Variants in NAP1L4 observed in about 807,000 individuals in gnomAD.
The protein encoded by NAP1L4 is nucleosome assembly protein 1 like 4.
In NAP1L4, 15 loss-of-function variants were observed where a neutral mutation model predicts 58.2. The observed-to-expected ratio is 0.26, with a 90% CI of 0.17 to 0.40. The LOEUF (loss-of-function observed/expected upper bound fraction) is 0.40, where lower values mean the gene tolerates loss of function less well. Among genes scored for constraint, NAP1L4 ranks in the 10% least tolerant of loss-of-function variants. The probability of loss-of-function intolerance (pLI) is 1.00; values close to 1 mark genes in which losing one functional copy is unlikely to be tolerated. For synonymous variants in NAP1L4, 171 were observed against 155.6 expected (o/e 1.10, Z -0.74); for missense variants, 384 against 451.1 (o/e 0.85, Z 1.35).
chr11:2,968,114 T>C (rs1847395276), intron 7 of NAP1L4, among the ~76,000 whole-genome samples: 1 of 151,868 alleles, frequency 6.6e-6, no homozygotes, highest in African/African-American at 2.4e-5. Context: ...AGAACCAGAA[T>C]CCGCACTGCC....
chr11:2,975,085 T>C (rs1590255382), intron 4 of NAP1L4, among the ~76,000 whole-genome samples: 1 of 149,718 alleles, frequency 6.7e-6, no homozygotes, highest in African/African-American at 2.5e-5. Flanking sequence ...AGCTGGAAGG[T>C]GGGGCCTCCT....
At chr11:2,952,597 C>G (rs1846293201) in intron 12 of NAP1L4, 1 of 152,282 alleles carries the variant, frequency 6.6e-6, no homozygotes, top group Admixed American at 6.5e-5. Context: ...GGAGTTCACA[C>G]AGTGTGCACA....
intron 10 of NAP1L4, among the ~76,000 whole-genome samples, chr11:2,957,878 A>G (rs1002947184): frequency 6.6e-6 from 1 of 152,252 alleles, no homozygotes; most frequent in African/African-American, 2.4e-5. Flanking sequence ...TGCATAAAAA[A>G]TTACAAGAAA....
chr11:2,974,138 T>C (rs1174349083), intron 4 of NAP1L4, among the ~76,000 whole-genome samples: 1 of 152,266 alleles, frequency 6.6e-6, no homozygotes, highest in African/African-American at 2.4e-5. Flanking sequence ...AGGATTTTTT[T>C]TTTTAATTAT....
Position 2,951,466 on chromosome 11 carries a change from G to T in NAP1L4, c.1066-151C>A. ...ACTCATCACTTCCTTTGGACACTTAGAATTATTTCTAGGTATCTTTTTGTT... is the reference window on the plus strand; with the variant it reads ...ACTCATCACTTCCTTTGGACACTTATAATTATTTCTAGGTATCTTTTTGTT... On this transcript the variant is annotated intron_variant, in intron 13 of 15. Coordinates refer to ENST00000380542, the MANE Select transcript of NAP1L4 (RefSeq NM_005969.4). The surrounding 1 kb of genome is among the most constrained non-coding windows in gnomAD (Gnocchi z 4.0). 1.4e-6 allele frequency: 1 copy of T among 727,758 alleles called. No homozygotes were observed. The highest frequency in any genetic ancestry group is 2.4e-6 in the Non-Finnish European group (1 of 419,758). The allele number at this position is 727,758 out of a possible 1,614,324, so 45.1% of individuals were successfully genotyped here.
At chr11:2,969,699 A>G in intron 7 of NAP1L4, 104 bp downstream of exon 7, 1 of 1,338,010 alleles carries the variant, frequency 7.5e-7, no homozygotes, top group Non-Finnish European at 1.0e-6. Flanking sequence ...TCCGCCCACT[A>G]TGAACAATCT....
intron 1 of NAP1L4, 104 bp from the exon 2 acceptor site, chr11:2,979,341 G>A: frequency 1.1e-6 from 1 of 892,946 alleles, no homozygotes; most frequent in Non-Finnish European, 1.7e-6. Flanking sequence ...CCACTAGAAG[G>A]GACAGGAGGG....
chr11:2,957,502 A>T (rs1243360030), intron 10 of NAP1L4, among the ~76,000 whole-genome samples: 1 of 152,238 alleles, frequency 6.6e-6, no homozygotes. Context: ...ACATACAAAC[A>T]AACACTCACT....
intron 4 of NAP1L4, among the ~76,000 whole-genome samples, chr11:2,973,845 T>G (rs922578929): frequency 6.6e-6 from 1 of 152,190 alleles, no homozygotes; most frequent in Non-Finnish European, 1.5e-5. Context: ...CTCGGCTCAC[T>G]GTAGCCTCAA....
chr11:2,961,944 T>C, intron 8 of NAP1L4, among the ~76,000 whole-genome samples: 1 of 152,232 alleles, frequency 6.6e-6, no homozygotes, highest in South Asian at 2.1e-4. Context: ...CAAGAAACTG[T>C]TTAGCTGCCC....
rs558151937 is a variant in NAP1L4 at position 2,982,181 on chromosome 11, T to C, written c.-17-2944A>G. On this transcript the variant is annotated intron_variant, in intron 1 of 15. Coordinates refer to ENST00000380542, the MANE Select transcript of NAP1L4 (RefSeq NM_005969.4). ...CACTCCCAGTTATCCTTAATTGATA[T>C]GGCAATAGCAGGACCGCTACAGTAG... 6.6e-5 allele frequency among the ~76,000 whole-genome samples: 10 copies of C among 152,320 alleles called. No homozygotes were observed. In the South Asian group the frequency reaches 1.5e-3, roughly 22 times the overall value.
intron 1 of NAP1L4, among the ~76,000 whole-genome samples, chr11:2,986,924 C>CT (rs1412424303): frequency 2.0e-5 from 3 of 152,134 alleles, no homozygotes; most frequent in South Asian, 2.1e-4. Flanking sequence ...CCACCGCACT[C>CT]TAAGATAAAT....
At chr11:2,988,305 G>C (rs1848764522) in intron 1 of NAP1L4, among the ~76,000 whole-genome samples, 1 of 152,192 alleles carries the variant, frequency 6.6e-6, no homozygotes, top group African/African-American at 2.4e-5. Context: ...CATATTAAAA[G>C]ATCTTGTCAT....
At chr11:2,952,636 T>A (rs1432463408) in intron 12 of NAP1L4, 1 of 152,214 alleles carries the variant, frequency 6.6e-6, no homozygotes, top group Non-Finnish European at 1.5e-5. Context: ...GCAGCCAGGA[T>A]GAGATGTGGC....
At position 2,971,474 on chromosome 11, in the gene NAP1L4, C is replaced by T; in HGVS notation, c.376G>A (p.Glu126Lys). 1.9e-6 allele frequency: 3 copies of T among 1,613,852 alleles called. No individual in the cohort carries two copies. The highest frequency in any genetic ancestry group is 2.5e-6 in the Non-Finnish European group (3 of 1,179,996). ...GCCAATTTCTCTTCCTCTTCATTTT[C>T]ACTGTGCCATTCCGATTCCGCATCT... is the stretch of plus-strand genomic sequence containing the variant. ...PTDAESEWHS[E>K]NEEEEKLAGD... Residue 126 changes from glutamate (E) to lysine (K), a missense_variant, in exon 6 of 16, where the codon GAA becomes AAA. Physicochemically the swap from Glu to Lys is moderately conservative, Grantham distance 56. Around this residue, in one of 3 missense-constraint regions of NAP1L4, gnomAD observed 296 missense variants for 360.8 expected, o/e 0.82. Coordinates refer to ENST00000380542, the MANE Select transcript of NAP1L4 (RefSeq NM_005969.4). This position sits in a 1 kb window ranked among gnomAD's most constrained non-coding sequence, Gnocchi z 4.2.
chr11:2,983,136 T>C (rs939335642), intron 1 of NAP1L4, among the ~76,000 whole-genome samples: 2 of 152,224 alleles, frequency 1.3e-5, no homozygotes, highest in Non-Finnish European at 2.9e-5. Flanking sequence ...CCATTTTGTC[T>C]ACAAATGGAG....
chr11:2,986,647 A>G (rs1337716935), intron 1 of NAP1L4, among the ~76,000 whole-genome samples: 2 of 121,034 alleles, frequency 1.7e-5, no homozygotes, highest in Non-Finnish European at 3.5e-5. Flanking sequence ...TTTTTTTGAG[A>G]TAGAGTTTCG....
At chr11:2,961,673 A>G (rs1296292953) in intron 8 of NAP1L4, among the ~76,000 whole-genome samples, 3 of 152,008 alleles carry the variant, frequency 2.0e-5, no homozygotes, top group Admixed American at 1.3e-4. Flanking sequence ...GTCCTTCACC[A>G]TGTCCTACTC....
At chr11:2,978,423 AAT>A (rs1443769073) in intron 2 of NAP1L4, 81 bp from the exon 3 acceptor site, 20 of 1,317,460 alleles carry the variant, frequency 1.5e-5, no homozygotes, top group Non-Finnish European at 2.2e-5. Flanking sequence ...TTTCTTATTC[AAT>A]ATATTAAGAG....
Sources: gnomAD v4.1 joint callset for allele counts (sites outside exome capture counted in the v4.1 genomes callset) on GRCh38, gnomAD v4.1.1 for gene constraint, gnomAD v4.1.1 regional missense constraint, Gnocchi (gnomAD v3.1) non-coding constraint, MANE v1.5 for transcripts, NCBI Gene and HGNC (gene_info 2026-07-23, HGNC 2026-07-21) for gene names.